The following FAM178B variants were observed in gnomAD, a reference collection of about 807,000 sequenced individuals.
FAM178B encodes the protein protein FAM178B.
In FAM178B, 82 loss-of-function variants were observed where a neutral mutation model predicts 91.7. The ratio of observed to expected loss-of-function variants is 0.89; its 90% CI spans 0.75 to 1.07. The LOEUF (loss-of-function observed/expected upper bound fraction) is 1.07, where lower values mean the gene tolerates loss of function less well. FAM178B is among the 50% of genes least tolerant of loss of function. The pLI, the probability that FAM178B is intolerant of heterozygous loss-of-function variation, is 0.00. For synonymous variants in FAM178B, 368 were observed against 359.4 expected (o/e 1.02, Z -0.27); for missense variants, 769 against 846.7 (o/e 0.91, Z 1.14).
chr2:96,901,346 G>C (rs1162513306), intron 13 of FAM178B, among the ~76,000 whole-genome samples: 1 of 148,054 alleles, frequency 6.8e-6, no homozygotes, highest in Non-Finnish European at 1.5e-5. Flanking sequence ...CTAATTTTTT[G>C]TTTTTTTAGT....
chr2:96,901,316 G>A (rs1036535863), intron 13 of FAM178B, among the ~76,000 whole-genome samples: 25 of 152,096 alleles, frequency 1.6e-4, no homozygotes, highest in African/African-American at 6.0e-4. Flanking sequence ...GGGATTACAG[G>A]CGCCTGCCAG....
chr2:96,924,416 C>A lies in FAM178B; in HGVS notation c.1194-833G>T, dbSNP rs186357980. On this transcript the variant is annotated intron_variant, in intron 9 of 16. Transcript: ENST00000490605. ...CTGTCTGCTGATAAGACCTGCATGG[C>A]CAGTTTCCCCGAGTGACGGACCCAA... Among the ~76,000 whole-genome samples, 12 of 152,336 alleles carry A rather than the reference C, an allele frequency of 7.9e-5. No individual in the cohort carries two copies. In the East Asian group the frequency reaches 1.5e-3, roughly 20 times the overall value.
intron 14 of FAM178B, among the ~76,000 whole-genome samples, chr2:96,891,605 G>C (rs1440570152): frequency 4.6e-5 from 7 of 152,232 alleles, no homozygotes; most frequent in Admixed American, 3.9e-4. Flanking sequence ...GGCAAGCAAA[G>C]GGACAACTTT....
At chr2:96,933,205 T>C (rs533607812) in intron 8 of FAM178B, among the ~76,000 whole-genome samples, 1 of 152,116 alleles carries the variant, frequency 6.6e-6, no homozygotes, top group Non-Finnish European at 1.5e-5. Flanking sequence ...ATCGCGCCAC[T>C]GCACTCCAGC....
intron 12 of FAM178B, among the ~76,000 whole-genome samples, chr2:96,911,658 G>A (rs781431393): frequency 5.3e-5 from 8 of 152,248 alleles, no homozygotes; most frequent in Non-Finnish European, 1.2e-4. Context: ...AGCCTGGAAA[G>A]AGACAGTGGG....
chr2:96,961,450 G>A (rs1410157016), intron 5 of FAM178B, among the ~76,000 whole-genome samples: 3 of 152,120 alleles, frequency 2.0e-5, no homozygotes, highest in Admixed American at 6.5e-5. Flanking sequence ...GTCATCCCAG[G>A]GAGCAGAATC....
intron 9 of FAM178B, among the ~76,000 whole-genome samples, chr2:96,926,995 C>T (rs1010145926): frequency 5.3e-5 from 8 of 152,168 alleles, no homozygotes; most frequent in African/African-American, 1.7e-4. Context: ...GATGCCTGGG[C>T]GGAGCCAGCT....
Position 96,955,511 on chromosome 2 carries a change from A to T in FAM178B, c.888-4027T>A, listed in dbSNP as rs539114497. On this transcript the variant is annotated intron_variant, in intron 6 of 16. Coordinates refer to ENST00000490605, the MANE Select transcript of FAM178B (RefSeq NM_001122646.3). ...GGGAGACAGAGCAAGACTCCATCTCAAAAAAAAAGAAAAAAAAAATTAGCC... is the reference window on the plus strand; with the variant it reads ...GGGAGACAGAGCAAGACTCCATCTCTAAAAAAAAGAAAAAAAAAATTAGCC... Among the ~76,000 whole-genome samples the T allele has an allele frequency of 5.7e-4, 84 of 147,960 alleles. No homozygotes were observed. The Middle Eastern group carries it at 0.011, about 19-fold the overall frequency.
chr2:96,876,282 G>A lies in FAM178B; in HGVS notation c.2034C>T (p.Asp678=). ...CTGCCCTGACCCTGTCCCTTTAGAT[G>A]TCTTTCCAGGGGCTGAAATACTGGG... ...PQAQYFSPWK[D]I The change falls in exon 17 of 17, where the codon GAC becomes GAT. Residue 678 remains aspartate (D), a synonymous_variant. Transcript: ENST00000490605. 3.1e-6 allele frequency: 5 copies of A among 1,608,140 alleles called. No individual in the cohort carries two copies. Among genetic ancestry groups the A allele is most frequent in the South Asian group, 1.1e-5 (1 of 89,008 alleles).
chr2:96,907,857 A>G (rs903293678), intron 12 of FAM178B, among the ~76,000 whole-genome samples: 2 of 152,222 alleles, frequency 1.3e-5, no homozygotes, highest in African/African-American at 2.4e-5. Context: ...GGGCCCTGCC[A>G]AGACTGAACT....
chr2:96,902,113 T>A (rs2153369315), intron 13 of FAM178B, among the ~76,000 whole-genome samples: 1 of 150,476 alleles, frequency 6.6e-6, no homozygotes, highest in South Asian at 2.1e-4. Flanking sequence ...ACTACAATTT[T>A]TTTTTTTTTT....
At chr2:96,971,705 C>A (rs939232138) in intron 3 of FAM178B, among the ~76,000 whole-genome samples, 196 bp downstream of exon 3, 1 of 152,236 alleles carries the variant, frequency 6.6e-6, no homozygotes, top group Non-Finnish European at 1.5e-5. Context: ...AGACACAGGG[C>A]GAGGTGCATC....
chr2:96,883,908 C>A (rs976093467), intron 14 of FAM178B, among the ~76,000 whole-genome samples: 2 of 152,154 alleles, frequency 1.3e-5, no homozygotes, highest in Admixed American at 1.3e-4. Flanking sequence ...CAGCCCAGCC[C>A]AGGAGAAGCA....
intron 8 of FAM178B, among the ~76,000 whole-genome samples, chr2:96,944,400 G>A (rs1208319824): frequency 6.6e-6 from 1 of 152,178 alleles, no homozygotes; most frequent in East Asian, 1.9e-4. Context: ...TAAAGCCCGT[G>A]ACCCCAGTTC....
At chr2:96,923,686 G>A (rs1429485660) in intron 9 of FAM178B, 103 bp from the exon 10 acceptor site, 10 of 778,942 alleles carry the variant, frequency 1.3e-5, no homozygotes, top group African/African-American at 3.4e-5. Flanking sequence ...CTGCTCATCC[G>A]CTGGACACAG....
intron 9 of FAM178B, among the ~76,000 whole-genome samples, chr2:96,925,945 C>A (rs2153371304): frequency 6.6e-6 from 1 of 152,324 alleles, no homozygotes; most frequent in East Asian, 1.9e-4. Context: ...GATAGGACGC[C>A]CTGTCAATGT....
At chr2:96,905,822 A>G (rs1421106871) in intron 12 of FAM178B, among the ~76,000 whole-genome samples, 421 of 17,490 alleles carry the variant, frequency 0.024, 2 homozygotes, top group African/African-American at 0.043. Flanking sequence ...ATGTGTGTAT[A>G]TATATATATA....
chr2:96,878,429 G>C lies in FAM178B; in HGVS notation c.1841C>G (p.Thr614Ser), dbSNP rs1170741647. ...AGVVVSCQDITPDQWGELQLL... is the reference protein window; with the variant it reads ...AGVVVSCQDISPDQWGELQLL... The stretch of plus-strand genomic sequence containing the variant: ...TGGGAGACTCACCCACTGGTCTGGA[G>C]TGATGTCCTGGCAGCTAACAACTAC... The change falls in exon 15 of 17, where the codon ACT becomes AGT. Residue 614 changes from threonine to serine, a missense_variant. Thr to Ser is a moderately conservative substitution (Grantham distance 58). Transcript: ENST00000490605. 4 of 1,613,858 alleles carry C rather than the reference G, an allele frequency of 2.5e-6. No individual in the cohort carries two copies. In the African/African-American group the frequency reaches 5.3e-5, roughly 22 times the overall value.
intron 16 of FAM178B, 27 bp from the exon 17 acceptor site, chr2:96,876,335 G>A: frequency 1.3e-6 from 2 of 1,585,988 alleles, no homozygotes; most frequent in Non-Finnish European, 1.7e-6. Context: ...AGCAGGCTGT[G>A]AGGGCCTGGG....
Sources: gnomAD v4.1 joint callset for allele counts (sites outside exome capture counted in the v4.1 genomes callset) on GRCh38, gnomAD v4.1.1 for gene constraint, MANE v1.5 for transcripts, NCBI Gene and HGNC (gene_info 2026-07-23, HGNC 2026-07-21) for gene names.